The following BIN1 variants were observed in gnomAD, a reference collection of about 807,000 sequenced individuals.
The protein encoded by BIN1 is myc box-dependent-interacting protein 1.
In BIN1, 53 loss-of-function variants were observed where a neutral mutation model predicts 82.0. The ratio of observed to expected loss-of-function variants is 0.65; its 90% CI spans 0.52 to 0.81. The LOEUF (loss-of-function observed/expected upper bound fraction) is 0.81. Among genes scored for constraint, BIN1 ranks in the 40% least tolerant of loss-of-function variants. BIN1 has a pLI of 0.00. For missense variants in BIN1, 642 were observed against 784.4 expected (o/e 0.82, Z 2.17); for synonymous variants, 302 against 328.0 (o/e 0.92, Z 0.86).
Position 127,090,027 on chromosome 2 carries a change from G to A in BIN1, c.85-13321C>T, listed in dbSNP as rs368449565. Among the ~76,000 whole-genome samples the A allele has an allele frequency of 4.5e-4, 55 of 121,028 alleles. No individual in the cohort carries two copies. The highest frequency in any genetic ancestry group is 3.1e-3 in the East Asian group (12 of 3,822). 79.4% of individuals were successfully genotyped at this position (121,028 alleles called of 152,430 possible). ...CACATAAGCCTTCCCCGCACCTGCC[G>A]CCCAGTGCACCTGCTCCTGCGGCTC... On this transcript the variant is annotated intron_variant, in intron 1 of 18. Transcript: ENST00000316724. This position sits in a 1 kb window ranked among gnomAD's most constrained non-coding sequence, Gnocchi z 6.4.
Position 127,058,884 on chromosome 2 carries a change from C to T in BIN1, c.1002+127G>A, listed in dbSNP as rs992397482. On this transcript the variant is annotated intron_variant, in intron 11 of 18. Coordinates refer to ENST00000316724, the MANE Select transcript of BIN1 (RefSeq NM_139343.3). ...AGGTCCAGGCCCAACCCCCACTGGG[C>T]AAAGCATCGGGTCCATAGCTGCCCA... 1.3e-5 allele frequency: 19 copies of T among 1,409,798 alleles called. No individual in the cohort carries two copies. The African/African-American group carries it at 2.7e-4, about 20-fold the overall frequency. 87.3% of individuals were successfully genotyped at this position (1,409,798 alleles called of 1,614,324 possible). A position where few individuals can be genotyped will look rare whatever the true frequency, so the allele number is the denominator to read the frequency against.
At chr2:127,053,728 G>A (rs1683267871) in intron 13 of BIN1, 177 bp downstream of exon 13, 3 of 718,014 alleles carry the variant, frequency 4.2e-6, no homozygotes, top group Non-Finnish European at 4.9e-6. Flanking sequence ...TCTCCCAGCT[G>A]ATCAGGGGCT....
chr2:127,061,621 A>G (rs1355340039), intron 10 of BIN1, among the ~76,000 whole-genome samples: 2 of 152,196 alleles, frequency 1.3e-5, no homozygotes, highest in African/African-American at 4.8e-5. Context: ...TGCAGCTGGG[A>G]TTCCCGGAGG....
chr2:127,097,203 C>T (rs112950520), intron 1 of BIN1, among the ~76,000 whole-genome samples: 4 of 152,350 alleles, frequency 2.6e-5, no homozygotes, highest in African/African-American at 9.6e-5. Flanking sequence ...CCTGGCCACA[C>T]AGGGCCGTGC....
At chr2:127,058,913 C>G (rs1684063638) in intron 11 of BIN1, 98 bp downstream of exon 11, 1 of 1,510,070 alleles carries the variant, frequency 6.6e-7, no homozygotes. Context: ...CTGCCCAGGC[C>G]AGAAAGGGGA....
chr2:127,071,157 C>T (rs1457305593), intron 2 of BIN1, among the ~76,000 whole-genome samples: 1 of 152,114 alleles, frequency 6.6e-6, no homozygotes, highest in Non-Finnish European at 1.5e-5. Flanking sequence ...TGTGCAGCAG[C>T]CCCGGCACTC....
intron 1 of BIN1, among the ~76,000 whole-genome samples, chr2:127,077,543 C>G (rs1038246654): frequency 9.9e-5 from 15 of 151,764 alleles, no homozygotes; most frequent in Middle Eastern, 3.4e-3. Context: ...CATATGCTGA[C>G]CATCACGCTC....
At chr2:127,085,598 G>C (rs1678035904) in intron 1 of BIN1, among the ~76,000 whole-genome samples, 1 of 152,080 alleles carries the variant, frequency 6.6e-6, no homozygotes, top group Admixed American at 6.5e-5. Flanking sequence ...CCCGGGGAGA[G>C]CCCATAATGA....
Position 127,098,634 on chromosome 2 carries a change from G to A in BIN1, c.84+8226C>T, listed in dbSNP as rs1417921331. On this transcript the variant is annotated intron_variant, in intron 1 of 18. Transcript: ENST00000316724. ...ACTTGGGATCTAGGTCACAACGGGG[G>A]CCGAAGGTGCAGGCCCGGGAAGCAG... is the stretch of plus-strand genomic sequence containing the variant. Among the ~76,000 whole-genome samples the A allele has an allele frequency of 3.3e-5, 5 of 152,234 alleles. No individual in the cohort carries two copies. In the East Asian group the frequency reaches 9.7e-4, roughly 29 times the overall value.
chr2:127,107,134 GC>G lies in BIN1; in HGVS notation c.-192del, dbSNP rs1176400885. Reference sequence around the variant, plus strand: ...GGCGAGCGAGCCAGCGAGCTAGCCAGCGAGCGACGCGGGGACAGAGGGAGGG... The same window carrying G: ...GGCGAGCGAGCCAGCGAGCTAGCCAGGAGCGACGCGGGGACAGAGGGAGGG... On this transcript the variant is annotated 5_prime_UTR_variant, in exon 1 of 19. Coordinates refer to ENST00000316724, the MANE Select transcript of BIN1 (RefSeq NM_139343.3). The surrounding 1 kb of genome is among the most constrained non-coding windows in gnomAD (Gnocchi z 5.9). The G allele has an allele frequency of 1.8e-6, 1 of 548,958 alleles. No individual in the cohort carries two copies. The highest frequency in any genetic ancestry group is 2.8e-6 in the Non-Finnish European group (1 of 358,466). 34.0% of individuals were successfully genotyped at this position (548,958 alleles called of 1,614,324 possible).
Position 127,059,289 on chromosome 2 carries a change from TG to T in BIN1, c.858-135del. ...GTGAAACTGTGTGTGTGTGTGTGTGTGTGTATGTGAGAGAGAGCAGGAGGGT... is the reference window on the plus strand; with the variant it reads ...GTGAAACTGTGTGTGTGTGTGTGTGTTGTATGTGAGAGAGAGCAGGAGGGT... On this transcript the variant is annotated intron_variant, in intron 10 of 18. Coordinates refer to ENST00000316724, the MANE Select transcript of BIN1 (RefSeq NM_139343.3). This position sits in a 1 kb window ranked among gnomAD's most constrained non-coding sequence, Gnocchi z 6.7. The T allele has an allele frequency of 2.3e-6, 2 of 886,360 alleles. No individual in the cohort carries two copies. The highest frequency in any genetic ancestry group is 3.3e-6 in the Non-Finnish European group (2 of 606,810). The allele number at this position is 886,360 out of a possible 1,614,324, so 54.9% of individuals were successfully genotyped here. A position where few individuals can be genotyped will look rare whatever the true frequency, so the allele number is the denominator to read the frequency against.
At chr2:127,106,799 A>G in intron 1 of BIN1, 61 bp downstream of exon 1, 1 of 1,539,324 alleles carries the variant, frequency 6.5e-7, no homozygotes, top group Non-Finnish European at 8.8e-7. Flanking sequence ...ATAGGGGGAC[A>G]GGTGGCCGGG....
intron 1 of BIN1, among the ~76,000 whole-genome samples, chr2:127,088,109 G>A (rs1280185510): frequency 6.6e-6 from 1 of 152,198 alleles, no homozygotes; most frequent in Non-Finnish European, 1.5e-5. Context: ...GTGGCCTCTC[G>A]GCTGTAGGGC....
In BIN1 at chr2:127,068,462, G is replaced by A. The variant is rs1685440026; in HGVS notation, c.520-207C>T. On this transcript the variant is annotated intron_variant, in intron 6 of 18. Coordinates refer to ENST00000316724, the MANE Select transcript of BIN1 (RefSeq NM_139343.3). This position sits in a 1 kb window ranked among gnomAD's most constrained non-coding sequence, Gnocchi z 4.9. ...AACTCCAACTGCAGAGGCAAAAGGTGAGCGTGGTTAGCAGCACAGGGGGCC... is the reference window on the plus strand; with the variant it reads ...AACTCCAACTGCAGAGGCAAAAGGTAAGCGTGGTTAGCAGCACAGGGGGCC... 6.6e-6 allele frequency among the ~76,000 whole-genome samples: 1 copy of A among 152,170 alleles called. No individual in the cohort carries two copies. The highest frequency in any genetic ancestry group is 2.4e-5 in the African/African-American group (1 of 41,440).
At chr2:127,052,841 A>ACTGAGACTTCC (rs1444522835) in intron 14 of BIN1, 1 of 248,686 alleles carries the variant, frequency 4.0e-6, no homozygotes. Flanking sequence ...TTGGGCAAGT[A>ACTGAGACTTCC]CTGAGCCTTC....
intron 1 of BIN1, 50 bp downstream of exon 1, chr2:127,106,810 G>GCTCCGCGGCGGCTGGGA: frequency 6.4e-7 from 1 of 1,553,156 alleles, no homozygotes; most frequent in Non-Finnish European, 8.7e-7. Context: ...GGTGGCCGGG[G>GCTCCGCGGCGGCTGGGA]CTCCGCGGCG....
chr2:127,097,210 G>A (rs56117224), intron 1 of BIN1, among the ~76,000 whole-genome samples: 27,163 of 152,174 alleles, frequency 0.18, 2,804 homozygotes, highest in Non-Finnish European at 0.23. Flanking sequence ...ACACAGGGCC[G>A]TGCATACAGG....
chr2:127,054,752 G>A (rs1290380139), intron 12 of BIN1: 2 of 152,692 alleles, frequency 1.3e-5, no homozygotes, highest in African/African-American at 4.8e-5. Flanking sequence ...CTTCCAGTGA[G>A]CCCAGGAATA....
At position 127,085,475 on chromosome 2, in the gene BIN1, C is replaced by T. The variant is rs1049207000; in HGVS notation, c.85-8769G>A. On this transcript the variant is annotated intron_variant, in intron 1 of 18. Transcript: ENST00000316724. ...TCCAGTGTGAGATGACGCCCACACACGCTCACACACACCCTCCCTGGCAGA... is the reference window on the plus strand; with the variant it reads ...TCCAGTGTGAGATGACGCCCACACATGCTCACACACACCCTCCCTGGCAGA... Among the ~76,000 whole-genome samples the T allele has an allele frequency of 7.9e-5, 12 of 152,208 alleles. No individual in the cohort carries two copies. In the East Asian group the frequency reaches 1.3e-3, roughly 17 times the overall value.
Sources: gnomAD v4.1 joint callset for allele counts (sites outside exome capture counted in the v4.1 genomes callset) on GRCh38, gnomAD v4.1.1 for gene constraint, Gnocchi (gnomAD v3.1) non-coding constraint, MANE v1.5 for transcripts, NCBI Gene and HGNC (gene_info 2026-07-23, HGNC 2026-07-21) for gene names.